SLC9A9: variants seen among roughly 807,000 people sequenced by gnomAD.
SLC9A9 encodes the protein solute carrier family 9 member A9.
A neutral mutation model predicts 77.8 loss-of-function variants in SLC9A9; 62 were observed. The observed-to-expected ratio is 0.80, with a 90% CI of 0.65 to 0.98. SLC9A9 has a LOEUF of 0.98. Among genes scored for constraint, SLC9A9 ranks in the 50% least tolerant of loss-of-function variants. The pLI is 0.00. For missense variants in SLC9A9, 775 were observed against 774.9 expected, an observed-to-expected ratio of 1.00 and a Z score of 0.00; for synonymous variants, 320 against 283.5, an observed-to-expected ratio of 1.13 and a Z score of -1.29.
chr3:143,563,518 T>C (rs2108648234), intron 8 of SLC9A9, among the ~76,000 whole-genome samples: 1 of 152,286 alleles, frequency 6.6e-6, no homozygotes, highest in African/African-American at 2.4e-5. Flanking sequence ...GCAATTTAAA[T>C]GCATTGCCTC....
At chr3:143,596,287 CGTGT>C (rs376963423) in intron 6 of SLC9A9, among the ~76,000 whole-genome samples, 2 of 152,104 alleles carry the variant, frequency 1.3e-5, no homozygotes, top group East Asian at 3.9e-4. Context: ...CTCTTCTCAA[CGTGT>C]GTGTGTGTAT....
chr3:143,308,403 C>T lies in SLC9A9; in HGVS notation c.1605-39423G>A, dbSNP rs576423744. On this transcript the variant is annotated intron_variant, in intron 14 of 15. Transcript: ENST00000316549. ...CATCCTGGCTAACACGGTGAAACCCCGTCTCTACTAAAAATACAAAAAATT... is the reference window on the plus strand; with the variant it reads ...CATCCTGGCTAACACGGTGAAACCCTGTCTCTACTAAAAATACAAAAAATT... Among the ~76,000 whole-genome samples, 10 of 151,704 alleles carry T rather than the reference C, an allele frequency of 6.6e-5. No homozygotes were observed. The South Asian group carries it at 1.0e-3, about 16-fold the overall frequency.
intron 4 of SLC9A9, among the ~76,000 whole-genome samples, chr3:143,780,356 G>A (rs1240898342): frequency 2.0e-5 from 3 of 152,046 alleles, no homozygotes; most frequent in African/African-American, 7.2e-5. Context: ...CACATTACAT[G>A]CAACCAAAAA....
chr3:143,436,856 C>T (rs2034630724), intron 12 of SLC9A9, among the ~76,000 whole-genome samples: 1 of 152,164 alleles, frequency 6.6e-6, no homozygotes, highest in Non-Finnish European at 1.5e-5. Context: ...GTGGGGTCTT[C>T]CTGAAGCCTT....
chr3:143,588,944 G>A (rs551745657), intron 6 of SLC9A9, among the ~76,000 whole-genome samples: 4 of 152,254 alleles, frequency 2.6e-5, no homozygotes, highest in Admixed American at 2.6e-4. Context: ...TCCAAAGAAT[G>A]CTGTCATATG....
At chr3:143,317,170 TA>T (rs992040404) in intron 14 of SLC9A9, among the ~76,000 whole-genome samples, 1 of 151,930 alleles carries the variant, frequency 6.6e-6, no homozygotes, top group African/African-American at 2.4e-5. Flanking sequence ...CCTCAGTGAT[TA>T]AAAACACTAA....
intron 2 of SLC9A9, among the ~76,000 whole-genome samples, chr3:143,814,298 C>A (rs2008946746): frequency 6.6e-6 from 1 of 151,866 alleles, no homozygotes; most frequent in Non-Finnish European, 1.5e-5. Flanking sequence ...AAGTCAGGGC[C>A]AAGGAGAAAT....
intron 6 of SLC9A9, among the ~76,000 whole-genome samples, chr3:143,587,666 G>A (rs930457793): frequency 1.3e-5 from 2 of 152,254 alleles, no homozygotes; most frequent in South Asian, 4.1e-4. Context: ...GCACTGGAGG[G>A]TTGGGGTAGA....
intron 12 of SLC9A9, among the ~76,000 whole-genome samples, chr3:143,404,159 T>C (rs2033920118): frequency 2.0e-5 from 3 of 148,336 alleles, no homozygotes; most frequent in Non-Finnish European, 4.4e-5. Context: ...TTTAATTTTT[T>C]GTATAATTTT....
At chr3:143,458,140 T>C (rs548248557) in intron 12 of SLC9A9, among the ~76,000 whole-genome samples, 117 of 152,306 alleles carry the variant, frequency 7.7e-4, no homozygotes, top group African/African-American at 2.5e-3. Flanking sequence ...ACATTTTATA[T>C]AGTTCTGTCT....
intron 2 of SLC9A9, among the ~76,000 whole-genome samples, chr3:143,827,801 T>TAA (rs1250101422): frequency 2.0e-5 from 3 of 152,334 alleles, no homozygotes; most frequent in Admixed American, 1.3e-4. Flanking sequence ...CATGTAACTT[T>TAA]TAGAAACAAA....
chr3:143,446,261 G>A (rs757111435), intron 12 of SLC9A9, among the ~76,000 whole-genome samples: 3 of 151,922 alleles, frequency 2.0e-5, no homozygotes, highest in African/African-American at 7.3e-5. Flanking sequence ...CCAGTTTGTC[G>A]GTTGTAATAT....
At chr3:143,843,301 C>G (rs887705770) in intron 1 of SLC9A9, among the ~76,000 whole-genome samples, 1 of 152,046 alleles carries the variant, frequency 6.6e-6, no homozygotes, top group Non-Finnish European at 1.5e-5. Flanking sequence ...TCCTGAGGAA[C>G]CTGCAGGGAG....
intron 4 of SLC9A9, among the ~76,000 whole-genome samples, chr3:143,721,867 A>G (rs1934507884): frequency 6.6e-6 from 1 of 152,236 alleles, no homozygotes; most frequent in South Asian, 2.1e-4. Context: ...AGTCCAATGG[A>G]CATCAGACAG....
intron 12 of SLC9A9, among the ~76,000 whole-genome samples, chr3:143,461,800 A>G (rs370088001): frequency 1.3e-5 from 2 of 152,316 alleles, no homozygotes; most frequent in East Asian, 1.9e-4. Context: ...CAATATTAAG[A>G]TAACTTAATT....
intron 9 of SLC9A9, among the ~76,000 whole-genome samples, chr3:143,538,724 T>C (rs1260729360): frequency 6.6e-6 from 1 of 152,124 alleles, no homozygotes; most frequent in African/African-American, 2.4e-5. Context: ...CCCCATACTA[T>C]AATCAGAGCA....
intron 2 of SLC9A9, among the ~76,000 whole-genome samples, chr3:143,816,139 C>G (rs1401123342): frequency 6.6e-6 from 1 of 152,230 alleles, no homozygotes; most frequent in Admixed American, 6.5e-5. Context: ...CCTTTCCTTC[C>G]ATTACTGTAT....
intron 15 of SLC9A9, among the ~76,000 whole-genome samples, chr3:143,267,442 G>A (rs1937761818): frequency 6.9e-6 from 1 of 145,360 alleles, no homozygotes; most frequent in Non-Finnish European, 1.5e-5. Context: ...TCTGGTCTCT[G>A]GGGTTCAAGT....
At chr3:143,306,403 T>A (rs973715594) in intron 14 of SLC9A9, among the ~76,000 whole-genome samples, 2 of 152,214 alleles carry the variant, frequency 1.3e-5, no homozygotes, top group East Asian at 3.8e-4. Flanking sequence ...AAGGTAACAT[T>A]TGAATCTATC....
Sources: gnomAD v4.1 joint callset for allele counts (sites outside exome capture counted in the v4.1 genomes callset) on GRCh38, gnomAD v4.1.1 for gene constraint, MANE v1.5 for transcripts, NCBI Gene and HGNC (gene_info 2026-07-23, HGNC 2026-07-21) for gene names.